Variants in AAK1 observed in about 807,000 individuals in gnomAD.
The protein encoded by AAK1 is AP2-associated protein kinase 1.
A neutral mutation model predicts 116.0 loss-of-function variants in AAK1; 37 were observed. The ratio of observed to expected loss-of-function variants is 0.32; its 90% CI spans 0.25 to 0.42. AAK1 has a LOEUF of 0.42. Ranked by LOEUF, AAK1 falls within the 10% of genes least tolerant of loss-of-function variation. AAK1 has a pLI of 1.00. For synonymous variants in AAK1, 458 were observed against 439.9 expected (o/e 1.04, Z -0.51); for missense variants, 919 against 1,170.6 (o/e 0.79, Z 3.14).
At chr2:69,591,523 CTTTTTTT>C (rs557305954) in intron 2 of AAK1, among the ~76,000 whole-genome samples, 1 of 130,016 alleles carries the variant, frequency 7.7e-6, no homozygotes, top group South Asian at 2.4e-4. Flanking sequence ...TTTTCTTTTT[CTTTTTTT>C]TTTTTTTTGA....
chr2:69,531,997 C>A, intron 6 of AAK1, 44 bp downstream of exon 6: 1 of 1,607,894 alleles, frequency 6.2e-7, no homozygotes, highest in African/African-American at 1.3e-5. Context: ...TAAAGTTGCT[C>A]ATCTGATTGT....
rs771297584 is a variant in AAK1, at chr2:69,642,890, C to T, written c.151G>A (p.Val51Met). The T allele has an allele frequency of 6.2e-6, 10 of 1,613,920 alleles. No individual in the cohort carries two copies. Among genetic ancestry groups the T allele is most frequent in the Non-Finnish European group, 5.1e-6 (6 of 1,179,886 alleles). ...IGRQQVTVDE[V>M]LAEGGFAIVF... ...AGCCCCACCGTACCTTCCGCCAACA[C>T]CTCGTCCACTGTGACCTGCTGTCGC... The change falls in exon 2 of 22, where the codon GTG (valine) becomes ATG (methionine). Residue 51 changes from valine (V) to methionine (M), a missense_variant. Transcript: ENST00000409085.
chr2:69,593,433 A>T (rs1673122458), intron 2 of AAK1, among the ~76,000 whole-genome samples: 2 of 151,898 alleles, frequency 1.3e-5, no homozygotes, highest in African/African-American at 4.8e-5. Context: ...CCACAAGTAA[A>T]TTTTTTTTAA....
Position 69,465,959 on chromosome 2 carries a change from C to T in AAK1, c.*9910G>A, listed in dbSNP as rs1229893340. 7.0e-6 allele frequency: 9 copies of T among 1,290,764 alleles called. No individual in the cohort carries two copies. The highest frequency in any genetic ancestry group is 1.5e-5 in the African/African-American group (1 of 65,822). 80.0% of individuals were successfully genotyped at this position (1,290,764 alleles called of 1,614,324 possible). On this transcript the variant is annotated 3_prime_UTR_variant, in exon 22 of 22. Coordinates refer to ENST00000409085, the MANE Select transcript of AAK1 (RefSeq NM_014911.5). ...GGGAGGTGCATTGGATAACTGTTAA[C>T]TCCTCCATGCTTTTCTTCTTAGTGA...
chr2:69,530,515 C>A, intron 7 of AAK1, 110 bp downstream of exon 7: 2 of 838,618 alleles, frequency 2.4e-6, no homozygotes, highest in South Asian at 1.8e-5. Flanking sequence ...GTAAGTAGAC[C>A]ATGATATGGT....
chr2:69,551,264 A>G (rs1558954827), intron 3 of AAK1, among the ~76,000 whole-genome samples: 1 of 152,164 alleles, frequency 6.6e-6, no homozygotes, highest in African/African-American at 2.4e-5. Flanking sequence ...GAGAGAGAGC[A>G]TCAGGAAGAA....
chr2:69,513,881 A>G (rs1392824144), intron 13 of AAK1, among the ~76,000 whole-genome samples: 1 of 152,222 alleles, frequency 6.6e-6, no homozygotes, highest in Non-Finnish European at 1.5e-5. Context: ...TACTCAGCCA[A>G]TATCTAAAAG....
At chr2:69,567,322 T>G (rs1041893959) in intron 2 of AAK1, among the ~76,000 whole-genome samples, 13 of 152,170 alleles carry the variant, frequency 8.5e-5, no homozygotes, top group African/African-American at 3.1e-4. Context: ...TTAAGTTCTT[T>G]GGTATACACA....
In AAK1 at chr2:69,472,268, A is replaced by G; in HGVS notation, c.*3601T>C. 3 of 622,056 alleles carry G rather than the reference A, an allele frequency of 4.8e-6. No homozygotes were observed. Among genetic ancestry groups the G allele is most frequent in the Non-Finnish European group, 4.0e-6 (2 of 498,096 alleles). 38.5% of individuals were successfully genotyped at this position (622,056 alleles called of 1,614,324 possible). A position where few individuals can be genotyped will look rare whatever the true frequency, so the allele number is the denominator to read the frequency against. On this transcript the variant is annotated 3_prime_UTR_variant, in exon 22 of 22. Coordinates refer to ENST00000409085, the MANE Select transcript of AAK1 (RefSeq NM_014911.5). ...ACAGGGTTGAATTTGCTTTCTGGAA[A>G]TGGCTAAATGTTACTCAGAACCAAG... is the stretch of plus-strand genomic sequence containing the variant.
In AAK1 at chr2:69,465,279, T is replaced by C. The variant is rs992469310; in HGVS notation, c.*10590A>G. ...AACTAAATATCACTGCAACTGAGTT[T>C]GTTGACTCAAGAAATTCTGCTCTGA... On this transcript the variant is annotated 3_prime_UTR_variant, in exon 22 of 22. Transcript: ENST00000409085. The C allele has an allele frequency of 2.7e-5, 18 of 664,290 alleles. No homozygotes were observed. Among genetic ancestry groups the C allele is most frequent in the Middle Eastern group, 6.3e-4 (1 of 1,600 alleles). The allele number at this position is 664,290 out of a possible 1,614,324, so 41.1% of individuals were successfully genotyped here. A position where few individuals can be genotyped will look rare whatever the true frequency, so the allele number is the denominator to read the frequency against.
intron 2 of AAK1, among the ~76,000 whole-genome samples, chr2:69,608,235 A>G (rs964429567): frequency 8.5e-5 from 13 of 152,230 alleles, no homozygotes; most frequent in African/African-American, 2.9e-4. Context: ...CGCAACCAAC[A>G]GCTTTCCTCA....
chr2:69,475,518 A>C lies in AAK1; in HGVS notation c.*351T>G. 1 of 1,045,368 alleles carries C rather than the reference A, an allele frequency of 9.6e-7. No individual in the cohort carries two copies. The highest frequency in any genetic ancestry group is 3.9e-5 in the South Asian group (1 of 25,662). The allele number at this position is 1,045,368 out of a possible 1,614,324, so 64.8% of individuals were successfully genotyped here. A position where few individuals can be genotyped will look rare whatever the true frequency, so the allele number is the denominator to read the frequency against. On this transcript the variant is annotated 3_prime_UTR_variant, in exon 22 of 22. Transcript: ENST00000409085. ...AGGCCATTCCTAGCAAGAACGAGAC[A>C]AAAGTGTCAATTCACTAGTTTCAGT... is the stretch of plus-strand genomic sequence containing the variant.
chr2:69,476,355 C>G (rs1440490286), intron 21 of AAK1, among the ~76,000 whole-genome samples: 2 of 152,024 alleles, frequency 1.3e-5, no homozygotes, highest in Admixed American at 1.3e-4. Flanking sequence ...TGGGGAGAAA[C>G]TAGTTATTAA....
rs186674567 is a variant in AAK1, at chr2:69,487,897, C to T, written c.2366-5085G>A. The stretch of plus-strand genomic sequence containing the variant: ...CTCCGCCTCCTAGGTTCAAGCAATT[C>T]TCCCGCCTCAGCCTCCCGAGTATCT... On this transcript the variant is annotated intron_variant, in intron 17 of 21. Coordinates refer to ENST00000409085, the MANE Select transcript of AAK1 (RefSeq NM_014911.5). Among the ~76,000 whole-genome samples the T allele has an allele frequency of 1.6e-3, 234 of 149,592 alleles. 1 individual carries two copies. The highest frequency in any genetic ancestry group is 5.6e-3 in the African/African-American group (227 of 40,852).
At position 69,518,177 on chromosome 2, in the gene AAK1, T is replaced by C. The variant is rs144632421; in HGVS notation, c.1497+777A>G. Among the ~76,000 whole-genome samples the C allele has an allele frequency of 9.3e-3, 1,409 of 152,024 alleles. 19 individuals carry two copies. The highest frequency in any genetic ancestry group is 0.033 in the African/African-American group (1,350 of 41,448). ...ATGAATACATTCATAGTAAAAAATG[T>C]GAAAAAAATATATGAAAAGATAATG... On this transcript the variant is annotated intron_variant, in intron 12 of 21. Coordinates refer to ENST00000409085, the MANE Select transcript of AAK1 (RefSeq NM_014911.5).
At chr2:69,617,098 G>C (rs1436276523) in intron 2 of AAK1, among the ~76,000 whole-genome samples, 1 of 152,132 alleles carries the variant, frequency 6.6e-6, no homozygotes, top group African/African-American at 2.4e-5. Context: ...CTACTGGTTT[G>C]ACAAGCAGAA....
rs574490585 is a variant in AAK1 at position 69,493,158 on chromosome 2, C to CAAAAAAAAAAAAAAAAAAAAAAAAAAAAA, written c.2365+2826_2365+2827insTTTTTTTTTTTTTTTTTTTTTTTTTTTTT. Among the ~76,000 whole-genome samples the CAAAAAAAAAAAAAAAAAAAAAAAAAAAAA allele has an allele frequency of 3.2e-4, 12 of 37,552 alleles. 2 individuals are homozygous for CAAAAAAAAAAAAAAAAAAAAAAAAAAAAA. The highest frequency in any genetic ancestry group is 7.2e-4 in the Non-Finnish European group (11 of 15,278). 24.6% of individuals were successfully genotyped at this position (37,552 alleles called of 152,430 possible). A position where few individuals can be genotyped will look rare whatever the true frequency, so the allele number is the denominator to read the frequency against. On this transcript the variant is annotated intron_variant, in intron 17 of 21. Coordinates refer to ENST00000409085, the MANE Select transcript of AAK1 (RefSeq NM_014911.5). The stretch of plus-strand genomic sequence containing the variant: ...TGGGCGACAGAGCGAGACTCCGTCT[C>CAAAAAAAAAAAAAAAAAAAAAAAAAAAAA]AAAAAAAAAAAAAAAAAAAGGATGC...
chr2:69,631,856 T>G (rs1229813247), intron 2 of AAK1, among the ~76,000 whole-genome samples: 1 of 152,144 alleles, frequency 6.6e-6, no homozygotes, highest in Admixed American at 6.5e-5. Flanking sequence ...GGTGCGCACC[T>G]GTGGTCCCAG....
chr2:69,465,257 T>TA lies in AAK1; in HGVS notation c.*10611dup. The TA allele has an allele frequency of 2.0e-6, 1 of 495,022 alleles. No homozygotes were observed. 30.7% of individuals were successfully genotyped at this position (495,022 alleles called of 1,614,324 possible). Reference sequence around the variant, plus strand: ...GAACATAACTTAAAGGGGCTTCAACTAAATATCACTGCAACTGAGTTTGTT... The same window carrying TA: ...GAACATAACTTAAAGGGGCTTCAACTAAAATATCACTGCAACTGAGTTTGTT... On this transcript the variant is annotated 3_prime_UTR_variant, in exon 22 of 22. Transcript: ENST00000409085.
Sources: allele counts gnomAD v4.1 joint callset (sites outside exome capture counted in the v4.1 genomes callset), GRCh38; gene constraint gnomAD v4.1.1; transcripts MANE v1.5; gene names NCBI Gene and HGNC (gene_info 2026-07-23, HGNC 2026-07-21).